The following FRMD3 variants were observed in gnomAD, a reference collection of about 807,000 sequenced individuals.
FRMD3 encodes the protein FERM domain containing 3, also known as FERM domain-containing protein 3.
FRMD3 carries 33 observed loss-of-function variants against 70.2 expected under a neutral mutation model. The ratio of observed to expected loss-of-function variants is 0.47; its 90% CI spans 0.36 to 0.63. FRMD3 has a LOEUF of 0.63. FRMD3 is among the 20% of genes least tolerant of loss of function. FRMD3 has a pLI of 0.00. For missense variants in FRMD3, 632 were observed against 711.4 expected, an observed-to-expected ratio of 0.89 and a Z score of 1.27; for synonymous variants, 279 against 255.9, an observed-to-expected ratio of 1.09 and a Z score of -0.86.
At chr9:83,307,838 T>A (rs919376649) in intron 10 of FRMD3, among the ~76,000 whole-genome samples, 10 of 152,184 alleles carry the variant, frequency 6.6e-5, no homozygotes, top group East Asian at 1.9e-4. Context: ...AAATTTTTTT[T>A]AAAACAAAAT....
At chr9:83,519,121 C>T (rs2131542482) in intron 1 of FRMD3, among the ~76,000 whole-genome samples, 1 of 152,224 alleles carries the variant, frequency 6.6e-6, no homozygotes, top group South Asian at 2.1e-4. Flanking sequence ...GCAATGGCAA[C>T]AAAAGCCAAA....
At chr9:83,341,911 G>A (rs1414275789) in intron 5 of FRMD3, among the ~76,000 whole-genome samples, 2 of 152,156 alleles carry the variant, frequency 1.3e-5, no homozygotes, top group African/African-American at 4.8e-5. Context: ...GGAATCCCCA[G>A]GAGAATGACA....
At chr9:83,583,938 C>T in the FRMD3 span, among the ~76,000 whole-genome samples, 1 of 152,190 alleles carries the variant, frequency 6.6e-6, no homozygotes, top group African/African-American at 2.4e-5. Context: ...CCACCTGATC[C>T]TGGTTTTCCT....
At chr9:83,465,702 C>G (rs1828108331) in intron 1 of FRMD3, among the ~76,000 whole-genome samples, 1 of 152,158 alleles carries the variant, frequency 6.6e-6, no homozygotes, top group African/African-American at 2.4e-5. Flanking sequence ...GGTATACATG[C>G]TATACCCTGC....
intron 13 of FRMD3, among the ~76,000 whole-genome samples, chr9:83,282,003 AG>A (rs1833991481): frequency 6.6e-6 from 1 of 152,202 alleles, no homozygotes; most frequent in African/African-American, 2.4e-5. Context: ...AAATAGATGT[AG>A]TTTCTTAGTT....
chr9:83,506,069 G>A lies in FRMD3; in HGVS notation c.147+32016C>T, dbSNP rs904253673. Among the ~76,000 whole-genome samples the A allele has an allele frequency of 7.2e-4, 110 of 152,212 alleles. 7 individuals carry two copies. The highest frequency in any genetic ancestry group is 1.5e-5 in the Non-Finnish European group (1 of 68,040). ...GCGCTGGTCAGCTCTGAACTCTTGA[G>A]CTGCAGTAGGAAGAGTAGATAACTT... On this transcript the variant is annotated intron_variant, in intron 1 of 13. Transcript: ENST00000304195.
intron 5 of FRMD3, among the ~76,000 whole-genome samples, chr9:83,339,725 G>T (rs1823693814): frequency 6.6e-6 from 1 of 152,156 alleles, no homozygotes; most frequent in Non-Finnish European, 1.5e-5. Flanking sequence ...ACAACGCAGG[G>T]TCACAATGGC....
chr9:83,469,871 C>T (rs576412682), intron 1 of FRMD3, among the ~76,000 whole-genome samples: 1 of 152,316 alleles, frequency 6.6e-6, no homozygotes, highest in East Asian at 1.9e-4. Context: ...GGAGAAAGCC[C>T]GCAGGAGCAG....
chr9:83,502,773 G>A (rs1356695182), intron 1 of FRMD3, among the ~76,000 whole-genome samples: 1 of 152,142 alleles, frequency 6.6e-6, no homozygotes, highest in Non-Finnish European at 1.5e-5. Context: ...AAGCTTTAAT[G>A]ATCATATATT....
At chr9:83,363,776 G>A (rs572025011) in intron 3 of FRMD3, among the ~76,000 whole-genome samples, 11 of 152,132 alleles carry the variant, frequency 7.2e-5, no homozygotes, top group East Asian at 3.9e-4. Context: ...GGATGGTCTC[G>A]ATCTCCTGAC....
chr9:83,450,099 G>A (rs959890540), intron 1 of FRMD3, among the ~76,000 whole-genome samples: 3 of 28,816 alleles, frequency 1.0e-4, no homozygotes, highest in Non-Finnish European at 1.7e-4. Flanking sequence ...CCAAGCCTGC[G>A]CCACCCAACT....
intron 2 of FRMD3, among the ~76,000 whole-genome samples, chr9:83,385,776 A>C (rs1199941291): frequency 1.3e-5 from 2 of 152,150 alleles, no homozygotes; most frequent in African/African-American, 4.8e-5. Context: ...TATCTGTTTA[A>C]AATGTCCATA....
chr9:83,368,908 G>A (rs1324273224), intron 3 of FRMD3, among the ~76,000 whole-genome samples: 1 of 152,020 alleles, frequency 6.6e-6, no homozygotes, highest in African/African-American at 2.4e-5. Context: ...AGGCTGGAGT[G>A]CAGTGGCACC....
At chr9:83,280,436 G>T (rs1833935594) in intron 13 of FRMD3, among the ~76,000 whole-genome samples, 1 of 152,210 alleles carries the variant, frequency 6.6e-6, no homozygotes, top group African/African-American at 2.4e-5. Flanking sequence ...CCCTGACTGT[G>T]TTTGGGTGAC....
intron 5 of FRMD3, among the ~76,000 whole-genome samples, chr9:83,342,070 T>TCC (rs926702431): frequency 1.3e-5 from 2 of 151,700 alleles, no homozygotes; most frequent in Admixed American, 1.3e-4. Context: ...TCTCTCTCTC[T>TCC]CTCTTTCCCC....
intron 1 of FRMD3, among the ~76,000 whole-genome samples, chr9:83,390,467 G>A (rs1825637448): frequency 6.6e-6 from 1 of 152,228 alleles, no homozygotes; most frequent in Non-Finnish European, 1.5e-5. Context: ...CAGAAAGGCA[G>A]TGTGGGAGAT....
chr9:83,518,835 C>G (rs1450315260), intron 1 of FRMD3, among the ~76,000 whole-genome samples: 1 of 152,138 alleles, frequency 6.6e-6, no homozygotes, highest in Admixed American at 6.5e-5. Context: ...AGAAATAATA[C>G]CACACATCTA....
Position 83,246,316 on chromosome 9 carries a change from T to C in FRMD3, c.*1602A>G. ...CTTATCTTTCTCCCACATAACACAG[T>C]ATCAGCAGGTAGTCTGCATGGGAAG... On this transcript the variant is annotated 3_prime_UTR_variant, in exon 14 of 14. Coordinates refer to ENST00000304195, the MANE Select transcript of FRMD3 (RefSeq NM_174938.6). 1.0e-6 allele frequency: 1 copy of C among 984,132 alleles called. No individual in the cohort carries two copies. Among genetic ancestry groups the C allele is most frequent in the East Asian group, 1.1e-4 (1 of 8,754 alleles). The allele number at this position is 984,132 out of a possible 1,614,324, so 61.0% of individuals were successfully genotyped here.
intron 2 of FRMD3, among the ~76,000 whole-genome samples, chr9:83,384,146 A>T (rs2131285410): frequency 6.6e-6 from 1 of 152,358 alleles, no homozygotes. Flanking sequence ...ACACACACAC[A>T]GACACCCAAG....
Sources: gnomAD v4.1 joint callset for allele counts (sites outside exome capture counted in the v4.1 genomes callset) on GRCh38, gnomAD v4.1.1 for gene constraint, MANE v1.5 for transcripts, NCBI Gene and HGNC (gene_info 2026-07-23, HGNC 2026-07-21) for gene names.